UBE2F: variants seen among roughly 807,000 people sequenced by gnomAD.
UBE2F encodes the protein ubiquitin conjugating enzyme E2 F (putative).
Under a neutral mutation model 29.6 loss-of-function variants are expected in UBE2F, and 5 were observed. The ratio of observed to expected loss-of-function variants is 0.17; its 90% CI spans 0.09 to 0.36. The LOEUF (loss-of-function observed/expected upper bound fraction) is 0.36. Among genes scored for constraint, UBE2F ranks in the 10% least tolerant of loss-of-function variants. The pLI, the probability that UBE2F is intolerant of heterozygous loss-of-function variation, is 1.00. For missense variants in UBE2F, 141 were observed against 228.5 expected, an observed-to-expected ratio of 0.62 and a Z score of 2.47; for synonymous variants, 66 against 81.8, an observed-to-expected ratio of 0.81 and a Z score of 1.04.
intron 4 of UBE2F, among the ~76,000 whole-genome samples, chr2:238,006,141 G>C (rs940647248): frequency 6.6e-6 from 1 of 152,178 alleles, no homozygotes; most frequent in African/African-American, 2.4e-5. Flanking sequence ...TCTAGTGAGG[G>C]CATCAGGAAG....
intron 3 of UBE2F, chr2:237,990,463 C>G: frequency 2.2e-6 from 1 of 446,632 alleles, no homozygotes; most frequent in South Asian, 1.6e-5. Flanking sequence ...AGTACAGTGG[C>G]ATGAGTGTGG....
chr2:237,990,220 TG>T (rs200121737), intron 3 of UBE2F, among the ~76,000 whole-genome samples: 1 of 149,042 alleles, frequency 6.7e-6, no homozygotes, highest in East Asian at 2.0e-4. Flanking sequence ...CAAATAACTG[TG>T]GGGGGGCAGG....
intron 4 of UBE2F, among the ~76,000 whole-genome samples, chr2:238,014,235 C>T (rs1366114594): frequency 6.6e-6 from 1 of 152,074 alleles, no homozygotes; most frequent in Non-Finnish European, 1.5e-5. Context: ...GGCAAATTAA[C>T]AATAATAAAT....
chr2:238,019,676 T>C (rs2064246730), intron 5 of UBE2F, among the ~76,000 whole-genome samples: 1 of 148,246 alleles, frequency 6.7e-6, no homozygotes, highest in Non-Finnish European at 1.5e-5. Flanking sequence ...TTTTTTTTAA[T>C]GAGATGGAGT....
intron 1 of UBE2F, among the ~76,000 whole-genome samples, chr2:237,969,522 A>G (rs1293436048): frequency 6.6e-6 from 1 of 152,124 alleles, no homozygotes; most frequent in Admixed American, 6.5e-5. Flanking sequence ...TGCATTCCCA[A>G]GGTCAGCCAG....
At position 237,967,599 on chromosome 2, in the gene UBE2F, C is replaced by G. The variant is rs374155474; in HGVS notation, c.-17+467C>G. ...GCCGCAGAAACCGGGACTGGACTCCCGATCGGGGCAGGAGTCGCGCTAGGC... is the reference window on the plus strand; with the variant it reads ...GCCGCAGAAACCGGGACTGGACTCCGGATCGGGGCAGGAGTCGCGCTAGGC... On this transcript the variant is annotated intron_variant, in intron 1 of 9. Coordinates refer to ENST00000272930, the MANE Select transcript of UBE2F (RefSeq NM_080678.3). The surrounding 1 kb of genome is among the most constrained non-coding windows in gnomAD (Gnocchi z 6.3). 1.3e-5 allele frequency among the ~76,000 whole-genome samples: 2 copies of G among 152,174 alleles called. No homozygotes were observed. The highest frequency in any genetic ancestry group is 4.8e-5 in the African/African-American group (2 of 41,454).
intron 2 of UBE2F, among the ~76,000 whole-genome samples, chr2:237,976,600 A>G (rs1194794324): frequency 6.6e-6 from 1 of 152,170 alleles, no homozygotes; most frequent in Non-Finnish European, 1.5e-5. Context: ...GTGTCTTCAC[A>G]TGGCAGAAGA....
At chr2:238,017,654 C>G (rs1014562208) in intron 5 of UBE2F, among the ~76,000 whole-genome samples, 1 of 152,134 alleles carries the variant, frequency 6.6e-6, no homozygotes, top group South Asian at 2.1e-4. Context: ...CAGGGGTTGA[C>G]GTACAGGCAG....
At position 237,999,817 on chromosome 2, in the gene UBE2F, GTTCTTTTTTT is replaced by G. The variant is rs1315591902; in HGVS notation, c.214+5011_214+5020del. On this transcript the variant is annotated intron_variant, in intron 4 of 9. Coordinates refer to ENST00000272930, the MANE Select transcript of UBE2F (RefSeq NM_080678.3). ...CATAGATGTTAAGTATTTTGATGTT[GTTCTTTTTTT>G]TTTTTTTTTTTTTTTGAGACGGAGT... Among the ~76,000 whole-genome samples, 8 of 94,670 alleles carry G rather than the reference GTTCTTTTTTT, an allele frequency of 8.5e-5. 1 individual carries two copies. The highest frequency in any genetic ancestry group is 4.2e-4 in the Admixed American group (3 of 7,080). The allele number at this position is 94,670 out of a possible 152,430, so 62.1% of individuals were successfully genotyped here.
intron 3 of UBE2F, among the ~76,000 whole-genome samples, chr2:237,991,609 C>CTTTTTTTCTTTTTTTTTTTT (rs2063591208): frequency 1.3e-4 from 7 of 53,044 alleles, no homozygotes; most frequent in Non-Finnish European, 2.4e-4. Flanking sequence ...TTCTTTCTTT[C>CTTTTTTTCTTTTTTTTTTTT]TTTTTTTTTT....
chr2:238,028,785 C>G (rs1165389865), intron 6 of UBE2F, among the ~76,000 whole-genome samples: 1 of 152,010 alleles, frequency 6.6e-6, no homozygotes, highest in Admixed American at 6.6e-5. Flanking sequence ...TAAACATGCT[C>G]TAATTCAAAA....
chr2:237,986,142 CTTT>C (rs66771814), intron 2 of UBE2F: 5,061 of 257,026 alleles, frequency 0.02, no homozygotes, highest in South Asian at 0.026. Flanking sequence ...CTTTTCTTTT[CTTT>C]TTTTTTTTTT....
intron 5 of UBE2F, among the ~76,000 whole-genome samples, chr2:238,022,829 G>T (rs145200869): frequency 9.8e-4 from 149 of 152,228 alleles, no homozygotes; most frequent in Admixed American, 1.8e-3. Flanking sequence ...GTCTAGCTGT[G>T]GGCCACTGGG....
intron 2 of UBE2F, among the ~76,000 whole-genome samples, chr2:237,975,065 C>T (rs561146389): frequency 1.3e-5 from 2 of 152,060 alleles, no homozygotes; most frequent in African/African-American, 4.8e-5. Context: ...AGCCACTGTG[C>T]CTGGCCTTAC....
At chr2:237,985,609 CT>C (rs2063465875) in intron 2 of UBE2F, among the ~76,000 whole-genome samples, 1 of 152,162 alleles carries the variant, frequency 6.6e-6, no homozygotes, top group Non-Finnish European at 1.5e-5. Flanking sequence ...GTCAGTGACA[CT>C]TAGGTTATTT....
At chr2:238,028,156 A>G (rs923834432) in intron 6 of UBE2F, among the ~76,000 whole-genome samples, 1 of 152,204 alleles carries the variant, frequency 6.6e-6, no homozygotes, top group Non-Finnish European at 1.5e-5. Flanking sequence ...GACTGGAGGC[A>G]CTGCACCCCT....
At chr2:237,974,028 C>G (rs572911628) in intron 2 of UBE2F, among the ~76,000 whole-genome samples, 31 of 152,278 alleles carry the variant, frequency 2.0e-4, no homozygotes, top group Non-Finnish European at 4.1e-4. Flanking sequence ...CAGAGTCTCA[C>G]TCTCACCCAG....
At chr2:238,029,768 T>C (rs2064529134) in intron 6 of UBE2F, among the ~76,000 whole-genome samples, 5 of 152,162 alleles carry the variant, frequency 3.3e-5, no homozygotes, top group Admixed American at 3.3e-4. Flanking sequence ...TGTGCCTTGG[T>C]TTCCTCCTGT....
chr2:238,041,409 C>G lies in UBE2F; in HGVS notation c.*71C>G. 6.5e-7 allele frequency: 1 copy of G among 1,532,166 alleles called. No individual in the cohort carries two copies. Among genetic ancestry groups the G allele is most frequent in the Admixed American group, 1.7e-5 (1 of 59,524 alleles). The allele number at this position is 1,532,166 out of a possible 1,614,324, so 94.9% of individuals were successfully genotyped here. A position where few individuals can be genotyped will look rare whatever the true frequency, so the allele number is the denominator to read the frequency against. On this transcript the variant is annotated 3_prime_UTR_variant, in exon 10 of 10. Transcript: ENST00000272930. ...TCTAACATGAAACAGCAAGAGGTAG[C>G]CCCCTCTCCCGTCCTCATGCTCCCT...
Sources: gnomAD v4.1 joint callset for allele counts (sites outside exome capture counted in the v4.1 genomes callset) on GRCh38, gnomAD v4.1.1 for gene constraint, Gnocchi (gnomAD v3.1) non-coding constraint, MANE v1.5 for transcripts, NCBI Gene and HGNC (gene_info 2026-07-23, HGNC 2026-07-21) for gene names.